PUDP: variants seen among roughly 807,000 people sequenced by gnomAD.
The protein encoded by PUDP is pseudouridine-5'-phosphatase.
A neutral mutation model predicts 9.4 loss-of-function variants in PUDP; 8 were observed. That is an observed-to-expected ratio of 0.85 (90% CI 0.50 to 1.53). The LOEUF is 1.53. Ranked by LOEUF, PUDP falls within the 40% of genes most tolerant of loss-of-function variation. PUDP has a pLI of 0.00. For synonymous variants in PUDP, 99 were observed against 80.7 expected, an observed-to-expected ratio of 1.23 and a Z score of -1.22; for missense variants, 188 against 189.7, an observed-to-expected ratio of 0.99 and a Z score of 0.05.
At chrX:6,935,092 A>G (rs1395155245) in intron 3 of PUDP, among the ~76,000 whole-genome samples, 1 of 94,071 alleles carries the variant, frequency 1.1e-5, no homozygotes, top group African/African-American at 3.9e-5. Flanking sequence ...AAAGTCAACA[A>G]GGATACCCAG....
At chrX:7,005,707 C>T (rs1038508662) in intron 1 of PUDP, among the ~76,000 whole-genome samples, 3 of 111,499 alleles carry the variant, frequency 2.7e-5, no homozygotes, top group Non-Finnish European at 3.8e-5. Flanking sequence ...TGCACCTGAC[C>T]GCATCTTAAA....
chrX:6,942,544 T>C (rs1928413818), intron 3 of PUDP, among the ~76,000 whole-genome samples: 2 of 111,611 alleles, frequency 1.8e-5, no homozygotes, highest in African/African-American at 6.5e-5. Context: ...GGCCAAATGG[T>C]GTATTTTGGG....
chrX:6,995,090 TC>T (rs1929233150), intron 1 of PUDP, among the ~76,000 whole-genome samples: 1 of 111,463 alleles, frequency 9.0e-6, no homozygotes, highest in South Asian at 3.8e-4. Context: ...AATCTCAGTT[TC>T]AAAGAGGCAT....
At chrX:6,884,221 T>A (rs988294201) in intron 3 of PUDP, among the ~76,000 whole-genome samples, 6 of 111,950 alleles carry the variant, frequency 5.4e-5, no homozygotes, top group Non-Finnish European at 1.1e-4. Context: ...TCAAACAATT[T>A]GAGTTTTGGG....
At chrX:7,032,745 G>A (rs1233021482) in intron 1 of PUDP, among the ~76,000 whole-genome samples, 8 of 111,657 alleles carry the variant, frequency 7.2e-5, no homozygotes, top group Non-Finnish European at 3.8e-5. Context: ...TTTCTGGAGT[G>A]ATGGAAATAT....
intron 3 of PUDP, among the ~76,000 whole-genome samples, chrX:6,746,002 G>A (rs1039941440): frequency 1.8e-5 from 2 of 111,710 alleles, no homozygotes; most frequent in East Asian, 2.8e-4. Context: ...CATAGAGAGG[G>A]GCAAGATCCA....
intron 3 of PUDP, among the ~76,000 whole-genome samples, chrX:6,837,321 C>T (rs916836047): frequency 8.9e-6 from 1 of 112,646 alleles, no homozygotes; most frequent in Non-Finnish European, 1.9e-5. Context: ...AGACAGTGTG[C>T]ACAATGAGAA....
chrX:7,016,890 T>C (rs1929557441), intron 1 of PUDP, among the ~76,000 whole-genome samples: 2 of 111,311 alleles, frequency 1.8e-5, no homozygotes, highest in Non-Finnish European at 1.9e-5. Flanking sequence ...CAGGATATTG[T>C]TTCCATGTAC....
intron 3 of PUDP, among the ~76,000 whole-genome samples, chrX:6,930,834 C>T (rs760200447): frequency 1.8e-5 from 2 of 110,718 alleles, no homozygotes; most frequent in East Asian, 5.7e-4. Flanking sequence ...TCTAAATCTC[C>T]TGACCTTGCT....
At chrX:6,766,200 A>G (rs190936617) in intron 3 of PUDP, among the ~76,000 whole-genome samples, 17 of 112,026 alleles carry the variant, frequency 1.5e-4, no homozygotes, top group African/African-American at 4.9e-4. Flanking sequence ...AATCTAAGAG[A>G]ATTTGTCAAC....
At chrX:6,751,956 C>T (rs1359229361) in intron 3 of PUDP, among the ~76,000 whole-genome samples, 2 of 111,063 alleles carry the variant, frequency 1.8e-5, no homozygotes, top group Non-Finnish European at 3.8e-5. Flanking sequence ...TTTGTTCTCT[C>T]TCTTCCATCA....
At chrX:6,765,026 G>C (rs1033756226) in intron 3 of PUDP, among the ~76,000 whole-genome samples, 1 of 110,064 alleles carries the variant, frequency 9.1e-6, no homozygotes, top group African/African-American at 3.3e-5. Context: ...CAGCAATTTG[G>C]GAGGCCGAGG....
Position 6,818,903 on chromosome X carries a change from A to T in PUDP, c.*248-112437T>A, listed in dbSNP as rs60596352. Among the ~76,000 whole-genome samples, 603 of 111,783 alleles carry T rather than the reference A, an allele frequency of 5.4e-3. 3 individuals carry two copies. Among genetic ancestry groups the T allele is most frequent in the African/African-American group, 0.018 (545 of 30,480 alleles). ...TAAGCCTGCTTTCCCATGATTTAACAAATTTTAATACTAGGAATATTAAAG... is the reference window on the plus strand; with the variant it reads ...TAAGCCTGCTTTCCCATGATTTAACTAATTTTAATACTAGGAATATTAAAG... On this transcript the variant is annotated intron_variant and NMD_transcript_variant, in intron 3 of 3. Coordinates refer to the PUDP transcript ENST00000655425.
intron 3 of PUDP, among the ~76,000 whole-genome samples, chrX:6,732,582 A>G (rs918618449): frequency 3.3e-4 from 27 of 82,399 alleles, no homozygotes; most frequent in African/African-American, 1.2e-3. Flanking sequence ...GGAGAGAGGG[A>G]GGGAGGGAGG....
chrX:7,068,630 G>A (rs1314232724), intron 3 of PUDP, among the ~76,000 whole-genome samples: 2 of 112,260 alleles, frequency 1.8e-5, no homozygotes, highest in South Asian at 3.7e-4. Flanking sequence ...GGCTGCAGAC[G>A]GCATGTGAGG....
At chrX:6,741,375 T>C (rs1334892369) in intron 3 of PUDP, among the ~76,000 whole-genome samples, 1 of 111,812 alleles carries the variant, frequency 8.9e-6, no homozygotes, top group East Asian at 2.8e-4. Flanking sequence ...AATGCATCTA[T>C]AGGAAGTCAA....
At chrX:7,123,530 AC>A (rs1932400992) in intron 1 of PUDP, among the ~76,000 whole-genome samples, 1 of 112,216 alleles carries the variant, frequency 8.9e-6, no homozygotes, top group South Asian at 3.7e-4. Context: ...ATCCTGTCTT[AC>A]CAATAATCGC....
chrX:7,064,248 A>G (rs1185545757), intron 3 of PUDP, among the ~76,000 whole-genome samples: 1 of 111,752 alleles, frequency 8.9e-6, no homozygotes, highest in East Asian at 2.8e-4. Context: ...GGACAAGTAC[A>G]AAGATTAAAA....
intron 1 of PUDP, among the ~76,000 whole-genome samples, chrX:6,984,824 CA>C (rs1929083372): frequency 8.9e-6 from 1 of 111,783 alleles, no homozygotes; most frequent in Non-Finnish European, 1.9e-5. Context: ...TTTGTACACT[CA>C]GGGGCTGTGC....
Sources: gnomAD v4.1 joint callset for allele counts (sites outside exome capture counted in the v4.1 genomes callset) on GRCh38, gnomAD v4.1.1 for gene constraint, MANE v1.5 for transcripts, NCBI Gene and HGNC (gene_info 2026-07-23, HGNC 2026-07-21) for gene names.